Variants in TP73 observed in about 807,000 individuals in gnomAD.
TP73 encodes tumor protein p73.
In TP73, 25 loss-of-function variants were observed where a neutral mutation model predicts 62.5. The observed-to-expected ratio is 0.40, with a 90% CI of 0.29 to 0.56. The LOEUF is 0.56. Ranked by LOEUF, TP73 falls within the 20% of genes least tolerant of loss-of-function variation. The probability of loss-of-function intolerance (pLI) is 0.46; values close to 1 mark genes in which losing one functional copy is unlikely to be tolerated. For synonymous variants in TP73, 423 were observed against 377.5 expected (o/e 1.12, Z -1.40); for missense variants, 754 against 913.3 (o/e 0.83, Z 2.25).
intron 4 of TP73, among the ~76,000 whole-genome samples, chr1:3,715,661 C>T (rs1240442406): frequency 6.6e-6 from 1 of 152,184 alleles, no homozygotes. Flanking sequence ...GGACAGCACT[C>T]ACTGTCTCCC....
intron 4 of TP73, among the ~76,000 whole-genome samples, chr1:3,713,249 A>C (rs1640309452): frequency 6.6e-6 from 1 of 152,208 alleles, no homozygotes; most frequent in Admixed American, 6.5e-5. Context: ...GAGTGCTCCG[A>C]GGCTGGCGAG....
At chr1:3,683,843 GGGCCTC>G (rs1263426684) in intron 3 of TP73, among the ~76,000 whole-genome samples, 2 of 152,226 alleles carry the variant, frequency 1.3e-5, no homozygotes, top group African/African-American at 4.8e-5. Flanking sequence ...GGAGTGGGGT[GGGCCTC>G]CCCACACAGG....
intron 1 of TP73, among the ~76,000 whole-genome samples, chr1:3,661,065 A>G (rs1395835620): frequency 6.6e-6 from 1 of 152,250 alleles, no homozygotes; most frequent in African/African-American, 2.4e-5. Flanking sequence ...CAGTGCTTCC[A>G]TGCAAATTTA....
At chr1:3,700,951 G>A (rs1223910983) in intron 3 of TP73, among the ~76,000 whole-genome samples, 3 of 152,204 alleles carry the variant, frequency 2.0e-5, no homozygotes, top group Non-Finnish European at 4.4e-5. Context: ...TGGCCGGTGA[G>A]GACAAAGAGT....
At chr1:3,713,439 C>T (rs532032479) in intron 4 of TP73, among the ~76,000 whole-genome samples, 84 of 152,344 alleles carry the variant, frequency 5.5e-4, no homozygotes, top group African/African-American at 1.9e-3. Flanking sequence ...CCAGTGCTGA[C>T]GCCAAGATGC....
rs140121478 is a variant in TP73, at chr1:3,730,807, G to T, written c.1346-120G>T. The stretch of plus-strand genomic sequence containing the variant: ...CTAGCTGGCAGGGGTGATGCCCAGC[G>T]TCACATCGCCAGGCCTTGGGATGGC... On this transcript the variant is annotated intron_variant, in intron 11 of 13. Coordinates refer to ENST00000378295, the MANE Select transcript of TP73 (RefSeq NM_005427.4). 59 of 1,320,146 alleles carry T rather than the reference G, an allele frequency of 4.5e-5. No homozygotes were observed. The African/African-American group carries it at 8.0e-4, about 18-fold the overall frequency. The allele number at this position is 1,320,146 out of a possible 1,614,324, so 81.8% of individuals were successfully genotyped here.
At chr1:3,721,253 G>A (rs949113935) in intron 4 of TP73, among the ~76,000 whole-genome samples, 1 of 152,258 alleles carries the variant, frequency 6.6e-6, no homozygotes, top group Non-Finnish European at 1.5e-5. Flanking sequence ...GCTGGCTCAG[G>A]AAGGGTGTCA....
chr1:3,684,899 G>A (rs1645615286), intron 3 of TP73, among the ~76,000 whole-genome samples: 3 of 152,160 alleles, frequency 2.0e-5, no homozygotes, highest in Admixed American at 2.0e-4. Context: ...GTGCAAGAAA[G>A]TGAGACTGCA....
In TP73 at chr1:3,683,029, T is replaced by C. The variant is rs114167646; in HGVS notation, c.66-31T>C. 4.1e-3 allele frequency: 6,539 copies of C among 1,586,878 alleles called. 191 individuals carry two copies. In the African/African-American group the frequency reaches 0.068, roughly 16 times the overall value. On this transcript the variant is annotated intron_variant, in intron 2 of 13. Coordinates refer to ENST00000378295, the MANE Select transcript of TP73 (RefSeq NM_005427.4). ...TTGGGGTGACACCCAAACTGGGGAC[T>C]GACGCTTCTATTTTCCTCTCCCTGC...
At chr1:3,690,807 C>T (rs925223914) in intron 3 of TP73, 15 of 1,531,366 alleles carry the variant, frequency 9.8e-6, no homozygotes, top group East Asian at 2.5e-5. Flanking sequence ...CGCTGCCGGG[C>T]GGCCACGACC....
intron 11 of TP73, among the ~76,000 whole-genome samples, 169 bp from the exon 12 acceptor site, chr1:3,730,758 G>A (rs1463590282): frequency 6.6e-6 from 1 of 152,206 alleles, no homozygotes; most frequent in East Asian, 1.9e-4. Flanking sequence ...CAGGGCCCCA[G>A]GTGTTCAGCC....
At chr1:3,690,880 C>T (rs200179434) in intron 3 of TP73, 39 of 1,566,770 alleles carry the variant, frequency 2.5e-5, no homozygotes, top group African/African-American at 2.0e-4. Context: ...AGTTCCCTGG[C>T]GTGTGCAGAC....
intron 1 of TP73, among the ~76,000 whole-genome samples, chr1:3,667,830 G>A (rs1645155675): frequency 6.6e-6 from 1 of 152,134 alleles, no homozygotes; most frequent in Non-Finnish European, 1.5e-5. Flanking sequence ...TTCACATCTG[G>A]ACCACCCAGC....
Position 3,662,595 on chromosome 1 carries a change from A to T in TP73, c.-34+9954A>T, listed in dbSNP as rs1645021310. On this transcript the variant is annotated intron_variant, in intron 1 of 13. Transcript: ENST00000378295. This position sits in a 1 kb window ranked among gnomAD's most constrained non-coding sequence, Gnocchi z 4.4. ...AATGTCTTTCATTTCTCTCCCAGAC[A>T]GGCAGCTGGGCAGAGCCACTCCTGT... Among the ~76,000 whole-genome samples, 1 of 152,238 alleles carries T rather than the reference A, an allele frequency of 6.6e-6. No homozygotes were observed. The highest frequency in any genetic ancestry group is 2.4e-5 in the African/African-American group (1 of 41,466).
In TP73 at chr1:3,699,400, T is replaced by C. The variant is rs1180635451; in HGVS notation, c.187-8149T>C. 6.6e-6 allele frequency among the ~76,000 whole-genome samples: 1 copy of C among 152,064 alleles called. No individual in the cohort carries two copies. Among genetic ancestry groups the C allele is most frequent in the African/African-American group, 2.4e-5 (1 of 41,382 alleles). On this transcript the variant is annotated intron_variant, in intron 3 of 13. Transcript: ENST00000378295. This position sits in a 1 kb window ranked among gnomAD's most constrained non-coding sequence, Gnocchi z 4.1. ...CCACAACAGTCTGGTCTCAATATTC[T>C]CCAGGGAACGAGGACACGGACCTCC...
chr1:3,719,090 C>A (rs1462727695), intron 4 of TP73, among the ~76,000 whole-genome samples: 1 of 152,178 alleles, frequency 6.6e-6, no homozygotes, highest in African/African-American at 2.4e-5. Flanking sequence ...CCTTTTGCCG[C>A]CCCTGAGACT....
At chr1:3,667,761 AAAAG>A (rs1557489690) in intron 1 of TP73, among the ~76,000 whole-genome samples, 1 of 152,022 alleles carries the variant, frequency 6.6e-6, no homozygotes, top group Non-Finnish European at 1.5e-5. Context: ...AAAAAAAAAA[AAAAG>A]AAAGAAAAAA....
At chr1:3,721,331 T>G (rs1226994800) in intron 4 of TP73, among the ~76,000 whole-genome samples, 1 of 152,206 alleles carries the variant, frequency 6.6e-6, no homozygotes, top group African/African-American at 2.4e-5. Flanking sequence ...AGTCCCAAGC[T>G]GGGGATACTG....
intron 1 of TP73, among the ~76,000 whole-genome samples, chr1:3,681,546 C>G (rs939776217): frequency 6.6e-6 from 1 of 152,170 alleles, no homozygotes; most frequent in African/African-American, 2.4e-5. Flanking sequence ...CTTCTCAAGG[C>G]GTGACCACCC....
Sources: gnomAD v4.1 joint callset for allele counts (sites outside exome capture counted in the v4.1 genomes callset) on GRCh38, gnomAD v4.1.1 for gene constraint, Gnocchi (gnomAD v3.1) non-coding constraint, MANE v1.5 for transcripts, NCBI Gene and HGNC (gene_info 2026-07-23, HGNC 2026-07-21) for gene names.